Variants in ZNF358 observed in about 807,000 individuals in gnomAD.
ZNF358 encodes the protein zinc finger protein 358.
A neutral mutation model predicts 2.1 loss-of-function variants in ZNF358; 1 was observed. That is an observed-to-expected ratio of 0.49 (90% CI 0.17 to 2.30). ZNF358 has a LOEUF of 2.30. ZNF358 is among the 30% of genes most tolerant of loss of function. The pLI, the probability that ZNF358 is intolerant of heterozygous loss-of-function variation, is 0.26. For missense variants in ZNF358, 665 were observed against 806.8 expected (o/e 0.82, Z 2.13); for synonymous variants, 381 against 359.7 (o/e 1.06, Z -0.67).
rs2022347477 is a variant in ZNF358, at chr19:7,516,697, TAGGA to T, written c.-39+452_-39+455del. Among the ~76,000 whole-genome samples the T allele has an allele frequency of 2.0e-5, 3 of 152,008 alleles. No individual in the cohort carries two copies. Among genetic ancestry groups the T allele is most frequent in the African/African-American group, 7.2e-5 (3 of 41,416 alleles). On this transcript the variant is annotated intron_variant, in intron 1 of 1. Coordinates refer to ENST00000597229, the MANE Select transcript of ZNF358 (RefSeq NM_018083.5). The surrounding 1 kb of genome is among the most constrained non-coding windows in gnomAD (Gnocchi z 5.9). The stretch of plus-strand genomic sequence containing the variant: ...GGGGTTCCCTCTTCCCCCAGGACCC[TAGGA>T]AGGGTCCCAGCGATTGTTCCCTTGC...
rs774546385 is a variant in ZNF358 at position 7,520,540 on chromosome 19, G to T, written c.1298G>T (p.Gly433Val). Residue 433 changes from glycine to valine, a missense_variant, in exon 2 of 2, where the codon GGG (glycine) becomes GTG (valine). Physicochemically the swap from Gly to Val is moderately radical, Grantham distance 109. Around this residue, in one of 3 missense-constraint regions of ZNF358, gnomAD observed 249 missense variants for 227.6 expected, o/e 1.09. Coordinates refer to ENST00000597229, the MANE Select transcript of ZNF358 (RefSeq NM_018083.5). This position sits in a 1 kb window ranked among gnomAD's most constrained non-coding sequence, Gnocchi z 6.0. The part of the protein sequence containing the change: ...GLSPASMMRP[G>V]QVSLLGPDAV... ...AGCCCTGCATCCATGATGAGGCCGG[G>T]GCAGGTCTCCCTCCTGGGTCCTGAT... 6 of 1,256,558 alleles carry T rather than the reference G, an allele frequency of 4.8e-6. No homozygotes were observed. The highest frequency in any genetic ancestry group is 1.9e-4 in the Middle Eastern group (1 of 5,188). 77.8% of individuals were successfully genotyped at this position (1,256,558 alleles called of 1,614,324 possible).
rs781347965 is a variant in ZNF358 at position 7,520,808 on chromosome 19, T to TGATCCC, written c.1567_1568insATCCCG (p.Asp521_Pro522dup). On this transcript the variant is annotated inframe_insertion, in exon 2 of 2. Transcript: ENST00000597229. The surrounding 1 kb of genome is among the most constrained non-coding windows in gnomAD (Gnocchi z 6.0). ...CTGTGCCCAGCCCAGACCCTGATCCTGTGCCCAGCCCTGATCCCAACCCTG... is the reference window on the plus strand; with the variant it reads ...CTGTGCCCAGCCCAGACCCTGATCCTGATCCCGTGCCCAGCCCTGATCCCAACCCTG... The TGATCCC allele has an allele frequency of 9.9e-6, 16 of 1,613,968 alleles. No individual in the cohort carries two copies. Among genetic ancestry groups the TGATCCC allele is most frequent in the Non-Finnish European group, 1.4e-5 (16 of 1,180,034 alleles).
In ZNF358 at chr19:7,519,404, G is replaced by A; in HGVS notation, c.162G>A (p.Pro54=). The change falls in exon 2 of 2, where the codon CCG becomes CCA. Residue 54 remains proline, a synonymous_variant. Coordinates refer to ENST00000597229, the MANE Select transcript of ZNF358 (RefSeq NM_018083.5). ...EPDPEDLNTV[P]EDVDPSYEDL... is the part of the protein sequence containing the mutation. ...ATCCTGAAGACCTCAACACTGTCCCGGAAGACGTGGACCCCAGCTATGAAG... is the reference window on the plus strand; with the variant it reads ...ATCCTGAAGACCTCAACACTGTCCCAGAAGACGTGGACCCCAGCTATGAAG... 1 of 1,613,970 alleles carries A rather than the reference G, an allele frequency of 6.2e-7. No individual in the cohort carries two copies. The highest frequency in any genetic ancestry group is 8.5e-7 in the Non-Finnish European group (1 of 1,180,006).
In ZNF358 at chr19:7,516,843, C is replaced by G. The variant is rs2022350197; in HGVS notation, c.-39+594C>G. Among the ~76,000 whole-genome samples the G allele has an allele frequency of 1.3e-5, 2 of 152,108 alleles. No individual in the cohort carries two copies. Among genetic ancestry groups the G allele is most frequent in the Admixed American group, 6.5e-5 (1 of 15,278 alleles). On this transcript the variant is annotated intron_variant, in intron 1 of 1. Coordinates refer to ENST00000597229, the MANE Select transcript of ZNF358 (RefSeq NM_018083.5). This position sits in a 1 kb window ranked among gnomAD's most constrained non-coding sequence, Gnocchi z 5.9. ...AGACTTAAGTGATTTCTCCTCCCAC[C>G]TTCCAGTTAAGAGATGGGAATTCAG...
At position 7,516,415 on chromosome 19, in the gene ZNF358, G is replaced by A. The variant is rs1389745074; in HGVS notation, c.-39+166G>A. Among the ~76,000 whole-genome samples the A allele has an allele frequency of 1.3e-5, 2 of 151,500 alleles. No homozygotes were observed. Among genetic ancestry groups the A allele is most frequent in the Non-Finnish European group, 3.0e-5 (2 of 67,752 alleles). ...GGCGAGCGGGGGTCGCGGGAGCGAT[G>A]GGGAGGGGACTCTGCGGCCAGCTCC... is the stretch of plus-strand genomic sequence containing the variant. On this transcript the variant is annotated intron_variant, in intron 1 of 1. Transcript: ENST00000597229. The surrounding 1 kb of genome is among the most constrained non-coding windows in gnomAD (Gnocchi z 5.9).
rs1298549014 is a variant in ZNF358 at position 7,516,227 on chromosome 19, C to G, written c.-61C>G. 1 of 130,676 alleles carries G rather than the reference C, an allele frequency of 7.7e-6. No individual in the cohort carries two copies. The highest frequency in any genetic ancestry group is 1.6e-5 in the Non-Finnish European group (1 of 60,848). The allele number at this position is 130,676 out of a possible 1,614,324, so 8.1% of individuals were successfully genotyped here. A position where few individuals can be genotyped will look rare whatever the true frequency, so the allele number is the denominator to read the frequency against. ...GGCGGCCGGCGCGGGCGCGGCGGGC[C>G]GGGCAGGGGCGAGGGGCGCCGGGTG... is the stretch of plus-strand genomic sequence containing the variant. On this transcript the variant is annotated 5_prime_UTR_variant, in exon 1 of 2. Transcript: ENST00000597229. This position sits in a 1 kb window ranked among gnomAD's most constrained non-coding sequence, Gnocchi z 5.9.
At chr19:7,518,591 G>GAAAGAAAGAA (rs1555740180) in intron 1 of ZNF358, among the ~76,000 whole-genome samples, 8 of 150,382 alleles carry the variant, frequency 5.3e-5, no homozygotes, top group Admixed American at 1.3e-4. Flanking sequence ...AAGAAAGAAA[G>GAAAGAAAGAA]AAAGAAAGAA....
At chr19:7,518,552 A>AGG (rs1354233381) in intron 1 of ZNF358, among the ~76,000 whole-genome samples, 1 of 133,786 alleles carries the variant, frequency 7.5e-6, no homozygotes, top group African/African-American at 3.1e-5. Flanking sequence ...AGAAAGAGAG[A>AGG]GAGAGAGAAA....
At chr19:7,518,907 A>T (rs931238625) in intron 1 of ZNF358, among the ~76,000 whole-genome samples, 2 of 152,070 alleles carry the variant, frequency 1.3e-5, no homozygotes, top group Admixed American at 6.5e-5. Context: ...TCTACTAAAA[A>T]TACAAAAATT....
At position 7,519,542 on chromosome 19, in the gene ZNF358, C is replaced by A. The variant is rs2022422007; in HGVS notation, c.300C>A (p.Gly100=). 3 of 1,606,292 alleles carry A rather than the reference C, an allele frequency of 1.9e-6. No homozygotes were observed. In the African/African-American group the frequency reaches 4.0e-5, roughly 21 times the overall value. ...SSFDLDPDVI[G]PVPLILDPNS... is the part of the protein sequence containing the mutation. ...TCGACCTCGATCCAGATGTGATTGG[C>A]CCCGTACCCCTGATTCTCGATCCTA... The change falls in exon 2 of 2, where the codon GGC becomes GGA. Residue 100 remains glycine, a synonymous_variant. Coordinates refer to ENST00000597229, the MANE Select transcript of ZNF358 (RefSeq NM_018083.5).
At position 7,519,872 on chromosome 19, in the gene ZNF358, G is replaced by T. The variant is rs1239145660; in HGVS notation, c.630G>T (p.Ala210=). ...CTGGGGCGCGGCCGTACCAGTGCGC[G>T]GCCTGCGGCAAGGCCTTCGGCTGGC... ...IHTGARPYQC[A]ACGKAFGWRS... is the part of the protein sequence containing the mutation. Residue 210 remains alanine, a synonymous_variant, in exon 2 of 2, where the codon GCG becomes GCT. Coordinates refer to ENST00000597229, the MANE Select transcript of ZNF358 (RefSeq NM_018083.5). The T allele has an allele frequency of 2.6e-6, 4 of 1,530,832 alleles. No individual in the cohort carries two copies. In the East Asian group the frequency reaches 9.8e-5, roughly 38 times the overall value. 94.8% of individuals were successfully genotyped at this position (1,530,832 alleles called of 1,614,324 possible).
In ZNF358 at chr19:7,519,700, G is replaced by A; in HGVS notation, c.458G>A (p.Cys153Tyr). 6.3e-7 allele frequency: 1 copy of A among 1,584,930 alleles called. No individual in the cohort carries two copies. The highest frequency in any genetic ancestry group is 8.5e-7 in the Non-Finnish European group (1 of 1,173,114). The change falls in exon 2 of 2, where the codon TGC becomes TAC. Residue 153 changes from cysteine (C) to tyrosine (Y), a missense_variant. By Grantham distance (194) the Cys-to-Tyr change is radical. This residue lies in a region of ZNF358 where 206 missense variants were observed against 228.4 expected (regional missense o/e 0.90). Transcript: ENST00000597229. ...APASPPRPFS[C>Y]PDCGRAFRRS... ...GCCAGCCCGCCCCGGCCCTTCTCCT[G>A]CCCGGATTGCGGGCGAGCCTTCCGC...
chr19:7,518,845 A>C (rs573349822), intron 1 of ZNF358, among the ~76,000 whole-genome samples: 1 of 152,178 alleles, frequency 6.6e-6, no homozygotes, highest in East Asian at 1.9e-4. Flanking sequence ...CATGCAGATC[A>C]CCTGAGGTCA....
chr19:7,520,583 C>T lies in ZNF358; in HGVS notation c.1341C>T (p.Gly447=), dbSNP rs12977428. ...LLGPDAVSVL[G]SGLGLSPGTS... ...GTCCTGATGCTGTTTCTGTGCTCGG[C>T]TCTGGCTTGGGCCTCAGCCCTGGCA... The change falls in exon 2 of 2, where the codon GGC becomes GGT. Residue 447 remains glycine, a synonymous_variant. Coordinates refer to ENST00000597229, the MANE Select transcript of ZNF358 (RefSeq NM_018083.5). The surrounding 1 kb of genome is among the most constrained non-coding windows in gnomAD (Gnocchi z 6.0). 2.2e-6 allele frequency: 3 copies of T among 1,346,418 alleles called. No individual in the cohort carries two copies. In the African/African-American group the frequency reaches 4.4e-5, roughly 20 times the overall value. 83.4% of individuals were successfully genotyped at this position (1,346,418 alleles called of 1,614,324 possible).
Position 7,520,379 on chromosome 19 carries a change from C to T in ZNF358, c.1137C>T (p.Leu379=). The change falls in exon 2 of 2, where the codon CTC becomes CTT. Residue 379 remains leucine (L), a synonymous_variant. Transcript: ENST00000597229. The surrounding 1 kb of genome is among the most constrained non-coding windows in gnomAD (Gnocchi z 6.0). ...HSGERPYRCQ[L]CGKAFGQASS... ...GCGAGCGTCCCTATCGCTGTCAGCT[C>T]TGCGGGAAGGCCTTCGGCCAGGCCT... 6.2e-7 allele frequency: 1 copy of T among 1,611,638 alleles called. No individual in the cohort carries two copies. Among genetic ancestry groups the T allele is most frequent in the Non-Finnish European group, 8.5e-7 (1 of 1,179,332 alleles).
rs368608542 is a variant in ZNF358, at chr19:7,520,254, C to T, written c.1012C>T (p.Leu338=). 5 of 1,608,678 alleles carry T rather than the reference C, an allele frequency of 3.1e-6. No homozygotes were observed. Among genetic ancestry groups the T allele is most frequent in the African/African-American group, 2.7e-5 (2 of 74,906 alleles). The change falls in exon 2 of 2, where the codon CTG becomes TTG. Residue 338 remains leucine (L), a synonymous_variant. Transcript: ENST00000597229. This position sits in a 1 kb window ranked among gnomAD's most constrained non-coding sequence, Gnocchi z 6.0. The part of the protein sequence containing the change: ...FGQSSNLQHH[L]RIHTGERPYA... Reference sequence around the variant, plus strand: ...GCAGAGCTCCAACTTGCAACACCACCTGCGCATCCACACGGGCGAGCGGCC... The same window carrying T: ...GCAGAGCTCCAACTTGCAACACCACTTGCGCATCCACACGGGCGAGCGGCC...
Position 7,520,472 on chromosome 19 carries a change from A to AGCTGCTGCAGCTGCCGCGGCCGCTGCT in ZNF358, c.1235_1236insTGCAGCTGCCGCGGCCGCTGCTGCTGC (p.Ala408_Ala416dup). 1 of 714,768 alleles carries AGCTGCTGCAGCTGCCGCGGCCGCTGCT rather than the reference A, an allele frequency of 1.4e-6. No individual in the cohort carries two copies. Among genetic ancestry groups the AGCTGCTGCAGCTGCCGCGGCCGCTGCT allele is most frequent in the Non-Finnish European group, 2.1e-6 (1 of 485,302 alleles). 44.3% of individuals were successfully genotyped at this position (714,768 alleles called of 1,614,324 possible). A position where few individuals can be genotyped will look rare whatever the true frequency, so the allele number is the denominator to read the frequency against. The stretch of plus-strand genomic sequence containing the variant: ...CTGCTGCAGCTGCCGCGGCCGCTGC[A>AGCTGCTGCAGCTGCCGCGGCCGCTGCT]GCTGCAGCAGCGGCCGCCGGCCTGG... On this transcript the variant is annotated inframe_insertion, in exon 2 of 2. Coordinates refer to ENST00000597229, the MANE Select transcript of ZNF358 (RefSeq NM_018083.5). This position sits in a 1 kb window ranked among gnomAD's most constrained non-coding sequence, Gnocchi z 6.0.
intron 1 of ZNF358, among the ~76,000 whole-genome samples, chr19:7,518,317 T>C (rs545206098): frequency 1.3e-5 from 2 of 152,106 alleles, no homozygotes; most frequent in South Asian, 2.1e-4. Context: ...TGCTCAGAAG[T>C]GAGTGGGGTT....
Position 7,520,748 on chromosome 19 carries a change from T to C in ZNF358, c.1506T>C (p.Ala502=). The C allele has an allele frequency of 6.2e-7, 1 of 1,614,060 alleles. No homozygotes were observed. Among genetic ancestry groups the C allele is most frequent in the South Asian group, 1.1e-5 (1 of 91,084 alleles). ...CTGACCCAAAGGCTGGGCACGACGC[T>C]GGTCCCGACCTTGTGCCCAGCCCAG... is the stretch of plus-strand genomic sequence containing the variant. ...ESSDPKAGHD[A]GPDLVPSPDL... Residue 502 remains alanine (A), a synonymous_variant, in exon 2 of 2, where the codon GCT becomes GCC. Coordinates refer to ENST00000597229, the MANE Select transcript of ZNF358 (RefSeq NM_018083.5). The surrounding 1 kb of genome is among the most constrained non-coding windows in gnomAD (Gnocchi z 6.0).
Sources: gnomAD v4.1 joint callset for allele counts (sites outside exome capture counted in the v4.1 genomes callset) on GRCh38, gnomAD v4.1.1 for gene constraint, gnomAD v4.1.1 regional missense constraint, Gnocchi (gnomAD v3.1) non-coding constraint, MANE v1.5 for transcripts, NCBI Gene and HGNC (gene_info 2026-07-23, HGNC 2026-07-21) for gene names.